Variants in SBNO1 observed in about 807,000 individuals in gnomAD.
SBNO1 encodes strawberry notch homolog 1, also known as protein strawberry notch homolog 1.
In SBNO1, 23 loss-of-function variants were observed where a neutral mutation model predicts 173.6. The ratio of observed to expected loss-of-function variants is 0.13; its 90% CI spans 0.10 to 0.19. The LOEUF (loss-of-function observed/expected upper bound fraction) is 0.19, where lower values mean the gene tolerates loss of function less well. SBNO1 is among the 10% of genes least tolerant of loss of function. SBNO1 has a pLI of 1.00. For synonymous variants in SBNO1, 632 were observed against 571.5 expected, an observed-to-expected ratio of 1.11 and a Z score of -1.51; for missense variants, 1,238 against 1,671.2, an observed-to-expected ratio of 0.74 and a Z score of 4.52.
intron 7 of SBNO1, among the ~76,000 whole-genome samples, chr12:123,333,506 AT>A (rs560961552): frequency 4.2e-3 from 619 of 147,366 alleles, no homozygotes; most frequent in Non-Finnish European, 6.3e-3. Flanking sequence ...CATATATATA[AT>A]TTTTTTTTTT....
chr12:123,315,570 A>G lies in SBNO1; in HGVS notation c.3026T>C (p.Val1009Ala). 6.2e-7 allele frequency: 1 copy of G among 1,612,780 alleles called. No homozygotes were observed. The highest frequency in any genetic ancestry group is 2.2e-5 in the East Asian group (1 of 44,866). ...LAGEQRFASIVAKRLESLGAL... is the reference protein window; with the variant it reads ...LAGEQRFASIAAKRLESLGAL... ...CACCAAACTCTCAAGTCTTTTAGCA[A>G]CAATAGATGCAAATCTTTGTTCTCC... The change falls in exon 22 of 32, where the codon GTT becomes GCT. Residue 1009 changes from valine to alanine, a missense_variant. Coordinates refer to ENST00000602398, the MANE Select transcript of SBNO1 (RefSeq NM_001167856.3).
chr12:123,311,720 C>CTATATATATATATATA (rs56718635), intron 24 of SBNO1, among the ~76,000 whole-genome samples: 5 of 127,438 alleles, frequency 3.9e-5, no homozygotes, highest in Middle Eastern at 3.9e-3. Context: ...ATCTATCTAT[C>CTATATATATATATATA]TATATATATA....
rs1869859268 is a variant in SBNO1, at chr12:123,320,717, C to G, written c.2473G>C (p.Ala825Pro). 3.1e-6 allele frequency: 5 copies of G among 1,608,838 alleles called. No homozygotes were observed. Among genetic ancestry groups the G allele is most frequent in the Non-Finnish European group, 3.4e-6 (4 of 1,178,750 alleles). ...SFSSTPVISPAPNSTPANSNT... is the reference protein window; with the variant it reads ...SFSSTPVISPPPNSTPANSNT... ...TGGATACCTGGTGTACTGTTAGGAGCAGGTGAGATAACTGGTGTAGATGAA... is the reference window on the plus strand; with the variant it reads ...TGGATACCTGGTGTACTGTTAGGAGGAGGTGAGATAACTGGTGTAGATGAA... Residue 825 changes from alanine (A) to proline (P), a missense_variant, in exon 18 of 32, where the codon GCT becomes CCT. By Grantham distance (27) the Ala-to-Pro change is conservative. Around this residue, in one of 14 missense-constraint regions of SBNO1, gnomAD observed 74 missense variants for 68.5 expected, o/e 1.08. Coordinates refer to ENST00000602398, the MANE Select transcript of SBNO1 (RefSeq NM_001167856.3).
chr12:123,297,912 G>T, intron 31 of SBNO1, 66 bp downstream of exon 31: 1 of 1,416,250 alleles, frequency 7.1e-7, no homozygotes, highest in Non-Finnish European at 9.9e-7. Context: ...TAAGATATTA[G>T]CAATGAGAAA....
intron 28 of SBNO1, among the ~76,000 whole-genome samples, chr12:123,306,145 T>C (rs1052356067): frequency 6.6e-6 from 1 of 152,222 alleles, no homozygotes; most frequent in Admixed American, 6.5e-5. Flanking sequence ...CATAAAACAA[T>C]GGTTAAGGTG....
intron 16 of SBNO1, among the ~76,000 whole-genome samples, 159 bp from the exon 17 acceptor site, chr12:123,321,891 C>T (rs764519359): frequency 4.6e-5 from 7 of 152,256 alleles, no homozygotes; most frequent in Middle Eastern, 3.4e-3. Flanking sequence ...CAGCACTAAC[C>T]TTTTGGACTC....
intron 15 of SBNO1, among the ~76,000 whole-genome samples, chr12:123,324,296 G>C (rs1001206521): frequency 1.3e-5 from 2 of 150,652 alleles, no homozygotes; most frequent in Non-Finnish European, 2.9e-5. Flanking sequence ...GAAAAATATA[G>C]ATTAGCAGGT....
intron 1 of SBNO1, among the ~76,000 whole-genome samples, chr12:123,359,718 C>T (rs1874904671): frequency 6.6e-6 from 1 of 152,022 alleles, no homozygotes; most frequent in Non-Finnish European, 1.5e-5. Context: ...AGGTTTCATA[C>T]CATATCTTAT....
rs886945046 is a variant in SBNO1, at chr12:123,295,115, T to A, written c.*793A>T. ...CAGCACACATTAGGAATACTATTAA[T>A]ACATTAAAATTAACTTTTAAGAGTT... On this transcript the variant is annotated 3_prime_UTR_variant, in exon 32 of 32. Coordinates refer to ENST00000602398, the MANE Select transcript of SBNO1 (RefSeq NM_001167856.3). The A allele has an allele frequency of 2.0e-5, 3 of 152,232 alleles. No homozygotes were observed. The highest frequency in any genetic ancestry group is 6.5e-5 in the Admixed American group (1 of 15,274). 9.4% of individuals were successfully genotyped at this position (152,232 alleles called of 1,614,324 possible).
At chr12:123,348,901 A>C (rs1490920266) in intron 2 of SBNO1, 1 of 151,810 alleles carries the variant, frequency 6.6e-6, no homozygotes, top group Non-Finnish European at 1.5e-5. Flanking sequence ...TGGAGGTTGC[A>C]GTGAGCCAAG....
At chr12:123,321,413 CCAAG>C (rs1869963361) in intron 17 of SBNO1, 118 bp downstream of exon 17, 8 of 754,312 alleles carry the variant, frequency 1.1e-5, no homozygotes, top group Middle Eastern at 3.8e-4. Flanking sequence ...GAGCTTTCCA[CCAAG>C]CAAAGATTAT....
At chr12:123,346,833 T>G (rs1873214175) in intron 3 of SBNO1, among the ~76,000 whole-genome samples, 1 of 152,012 alleles carries the variant, frequency 6.6e-6, no homozygotes, top group Non-Finnish European at 1.5e-5. Flanking sequence ...ATCCCAGCAC[T>G]TTGGGACGCT....
At chr12:123,361,579 C>T (rs1005164588) in intron 1 of SBNO1, among the ~76,000 whole-genome samples, 9 of 149,936 alleles carry the variant, frequency 6.0e-5, no homozygotes, top group African/African-American at 9.9e-5. Flanking sequence ...AATAAAAGTA[C>T]AAAAATTAGC....
At chr12:123,364,645 G>A in intron 1 of SBNO1, 56 bp downstream of exon 1, 2 of 982,990 alleles carry the variant, frequency 2.0e-6, no homozygotes, top group South Asian at 4.7e-5. Flanking sequence ...GTGGGAGTGG[G>A]AGGCTGTCCG....
At chr12:123,345,653 T>A in intron 3 of SBNO1, 83 bp from the exon 4 acceptor site, 1 of 1,132,374 alleles carries the variant, frequency 8.8e-7, no homozygotes, top group Non-Finnish European at 1.3e-6. Context: ...GAAGGACAAC[T>A]AAAAATCTAA....
intron 28 of SBNO1, among the ~76,000 whole-genome samples, chr12:123,308,898 G>A (rs2048987566): frequency 6.6e-6 from 1 of 152,188 alleles, no homozygotes; most frequent in Non-Finnish European, 1.5e-5. Flanking sequence ...GAGGTCGGGA[G>A]TTTGAGAACA....
chr12:123,340,321 C>T (rs1872376633), intron 5 of SBNO1, among the ~76,000 whole-genome samples: 1 of 152,158 alleles, frequency 6.6e-6, no homozygotes, highest in African/African-American at 2.4e-5. Context: ...TGGCTCACGC[C>T]TGTAATCTCA....
Position 123,348,109 on chromosome 12 carries a change from G to C in SBNO1, c.157C>G (p.Leu53Val). 1 of 1,610,526 alleles carries C rather than the reference G, an allele frequency of 6.2e-7. No individual in the cohort carries two copies. Residue 53 changes from leucine (L) to valine (V), a missense_variant, in exon 3 of 32, where the codon CTA becomes GTA. This residue lies in a region of SBNO1 where 287 missense variants were observed against 274.1 expected (regional missense o/e 1.05). Transcript: ENST00000602398. ...QQSVPLSALE[L>V]GLETEAAVPV... is the part of the protein sequence containing the mutation. ...ACTGCTGCTTCGGTCTCCAAACCTA[G>C]TTCTAATGCACTAAGTGGCACTGAC...
chr12:123,342,753 T>C (rs1872707959), intron 4 of SBNO1, among the ~76,000 whole-genome samples: 1 of 151,086 alleles, frequency 6.6e-6, no homozygotes, highest in African/African-American at 2.4e-5. Context: ...CCAGAACCCC[T>C]GGAACCAGCC....
Sources: allele counts gnomAD v4.1 joint callset (sites outside exome capture counted in the v4.1 genomes callset), GRCh38; gene constraint gnomAD v4.1.1; regional missense constraint gnomAD v4.1.1; transcripts MANE v1.5; gene names NCBI Gene and HGNC (gene_info 2026-07-23, HGNC 2026-07-21).